Variants in GATA6 observed in about 807,000 individuals in gnomAD.
The protein encoded by GATA6 is transcription factor GATA-6.
Under a neutral mutation model 48.1 loss-of-function variants are expected in GATA6, and 11 were observed. The observed-to-expected ratio is 0.23, with a 90% CI of 0.14 to 0.38. GATA6 has a LOEUF of 0.38. Among genes scored for constraint, GATA6 ranks in the 10% least tolerant of loss-of-function variants. The pLI is 1.00. For synonymous variants in GATA6, 419 were observed against 396.1 expected (o/e 1.06, Z -0.69); for missense variants, 795 against 850.3 (o/e 0.93, Z 0.81).
chr18:22,189,929 G>A (rs114733510), intron 6 of GATA6, among the ~76,000 whole-genome samples: 2,393 of 152,232 alleles, frequency 0.016, 61 homozygotes, highest in African/African-American at 0.055. Flanking sequence ...CAGTTCCAAG[G>A]TCACGTGTCA....
chr18:22,174,076 G>T (rs2033091053), intron 2 of GATA6, among the ~76,000 whole-genome samples: 1 of 152,200 alleles, frequency 6.6e-6, no homozygotes, highest in African/African-American at 2.4e-5. Context: ...CCTTACCTCT[G>T]CATAGGGACC....
chr18:22,201,135 A>C lies in GATA6; in HGVS notation c.*312A>C. On this transcript the variant is annotated 3_prime_UTR_variant, in exon 7 of 7. Coordinates refer to ENST00000269216, the MANE Select transcript of GATA6 (RefSeq NM_005257.6). ...ATGGAATATTGAGAGAGATTTTTTAAAAAAGATTTTGCATTTTGTCCAAAA... is the reference window on the plus strand; with the variant it reads ...ATGGAATATTGAGAGAGATTTTTTACAAAAGATTTTGCATTTTGTCCAAAA... 1 of 381,616 alleles carries C rather than the reference A, an allele frequency of 2.6e-6. No individual in the cohort carries two copies. Among genetic ancestry groups the C allele is most frequent in the Non-Finnish European group, 4.8e-6 (1 of 209,114 alleles). 23.6% of individuals were successfully genotyped at this position (381,616 alleles called of 1,614,324 possible). A position where few individuals can be genotyped will look rare whatever the true frequency, so the allele number is the denominator to read the frequency against.
rs1293318805 is a variant in GATA6 at position 22,172,244 on chromosome 18, G to A, written c.1100G>A (p.Gly367Glu). 1 of 1,533,886 alleles carries A rather than the reference G, an allele frequency of 6.5e-7. No homozygotes were observed. Among genetic ancestry groups the A allele is most frequent in the Non-Finnish European group, 8.7e-7 (1 of 1,146,202 alleles). ...PVLHSLQSRA[G>E]APLPVPRGPS... ...CTGCACAGCCTGCAGAGCCGCGCCGGAGCCCCGCTCCCGGTGCCCCGGGGT... is the reference window on the plus strand; with the variant it reads ...CTGCACAGCCTGCAGAGCCGCGCCGAAGCCCCGCTCCCGGTGCCCCGGGGT... The change falls in exon 2 of 7, where the codon GGA becomes GAA. Residue 367 changes from glycine to glutamate, a missense_variant. Gly to Glu is a moderately conservative substitution (Grantham distance 98, BLOSUM62 -2). Around this residue, in one of 5 missense-constraint regions of GATA6, gnomAD observed 591 missense variants for 570.0 expected, o/e 1.04. Coordinates refer to ENST00000269216, the MANE Select transcript of GATA6 (RefSeq NM_005257.6). The surrounding 1 kb of genome is among the most constrained non-coding windows in gnomAD (Gnocchi z 5.2).
chr18:22,175,871 T>C (rs1413180377), intron 2 of GATA6, among the ~76,000 whole-genome samples: 1 of 152,222 alleles, frequency 6.6e-6, no homozygotes, highest in African/African-American at 2.4e-5. Context: ...TCTTCAATAA[T>C]GCAGAACTAG....
At position 22,170,179 on chromosome 18, in the gene GATA6, C is replaced by T. The variant is rs2033013231; in HGVS notation, c.-38+497C>T. 6.6e-6 allele frequency among the ~76,000 whole-genome samples: 1 copy of T among 152,188 alleles called. No individual in the cohort carries two copies. Among genetic ancestry groups the T allele is most frequent in the South Asian group, 2.1e-4 (1 of 4,832 alleles). On this transcript the variant is annotated intron_variant, in intron 1 of 6. Transcript: ENST00000269216. The surrounding 1 kb of genome is among the most constrained non-coding windows in gnomAD (Gnocchi z 6.7). ...CTCGGCTCTGGGGCGGTCTCACGCT[C>T]CCCCCTCCCCAGCCCGTTGCGTTCC...
intron 6 of GATA6, among the ~76,000 whole-genome samples, chr18:22,193,900 C>T (rs971748652): frequency 4.6e-5 from 7 of 152,152 alleles, no homozygotes; most frequent in African/African-American, 7.2e-5. Flanking sequence ...TTCCTTTTCT[C>T]GGCTGTGTTG....
chr18:22,191,564 G>A (rs2033328803), intron 6 of GATA6, among the ~76,000 whole-genome samples: 1 of 152,158 alleles, frequency 6.6e-6, no homozygotes, highest in African/African-American at 2.4e-5. Flanking sequence ...TGCCAGAAGA[G>A]TTACTAGCAG....
At chr18:22,198,945 G>C (rs1178927558) in intron 6 of GATA6, among the ~76,000 whole-genome samples, 4 of 152,160 alleles carry the variant, frequency 2.6e-5, no homozygotes, top group African/African-American at 9.7e-5. Flanking sequence ...AAAAGTTTGG[G>C]TGTGGGGCCA....
At chr18:22,176,934 C>T (rs1321754336) in intron 2 of GATA6, 21 bp from the exon 3 acceptor site, 3 of 1,536,074 alleles carry the variant, frequency 2.0e-6, no homozygotes, top group Non-Finnish European at 2.6e-6. Context: ...CTCCCGCCCT[C>T]ACGCACCGCT....
At chr18:22,169,742 C>T (rs1290069120) in intron 1 of GATA6, 60 bp downstream of exon 1, 3 of 152,286 alleles carry the variant, frequency 2.0e-5, no homozygotes, top group African/African-American at 7.2e-5. Flanking sequence ...CCCTACTCGT[C>T]GCGGGCCCCT....
intron 6 of GATA6, among the ~76,000 whole-genome samples, chr18:22,186,005 TTG>T (rs1244710198): frequency 6.6e-6 from 1 of 152,210 alleles, no homozygotes; most frequent in East Asian, 1.9e-4. Context: ...GCAGCTGGCT[TTG>T]TGACTGATTG....
intron 3 of GATA6, among the ~76,000 whole-genome samples, chr18:22,179,015 T>G (rs1001883921): frequency 1.1e-4 from 17 of 152,146 alleles, no homozygotes; most frequent in African/African-American, 3.9e-4. Flanking sequence ...CTAGTAACAT[T>G]TAGATAGTGC....
At chr18:22,193,565 G>T (rs2033352774) in intron 6 of GATA6, among the ~76,000 whole-genome samples, 2 of 152,200 alleles carry the variant, frequency 1.3e-5, no homozygotes, top group Non-Finnish European at 2.9e-5. Flanking sequence ...AGAAAAAGCC[G>T]TAAGCACAGT....
chr18:22,171,013 A>C lies in GATA6; in HGVS notation c.-37-95A>C, dbSNP rs2033027459. ...CTTTGAGAAGTCAGATCCCATTTGA[A>C]CTAGAAAAAGGAGTGGAGGCGAGGT... On this transcript the variant is annotated intron_variant, in intron 1 of 6. Coordinates refer to ENST00000269216, the MANE Select transcript of GATA6 (RefSeq NM_005257.6). This position sits in a 1 kb window ranked among gnomAD's most constrained non-coding sequence, Gnocchi z 7.1. The C allele has an allele frequency of 1.4e-6, 1 of 739,670 alleles. No individual in the cohort carries two copies. The highest frequency in any genetic ancestry group is 1.7e-5 in the African/African-American group (1 of 57,664). The allele number at this position is 739,670 out of a possible 1,614,324, so 45.8% of individuals were successfully genotyped here.
chr18:22,173,247 C>T (rs891388712), intron 2 of GATA6, among the ~76,000 whole-genome samples: 1 of 152,238 alleles, frequency 6.6e-6, no homozygotes, highest in African/African-American at 2.4e-5. Flanking sequence ...CAACATTCTG[C>T]GTCCTTGGTG....
chr18:22,190,128 A>T (rs1439196800), intron 6 of GATA6, among the ~76,000 whole-genome samples: 1 of 152,204 alleles, frequency 6.6e-6, no homozygotes, highest in Non-Finnish European at 1.5e-5. Flanking sequence ...ATATCCTCCC[A>T]CTGAAACAGG....
chr18:22,179,529 C>T (rs1018754217), intron 3 of GATA6, among the ~76,000 whole-genome samples: 1 of 152,156 alleles, frequency 6.6e-6, no homozygotes, highest in African/African-American at 2.4e-5. Context: ...ATTCTGATAA[C>T]AAGTTTGCTT....
At chr18:22,197,478 T>C (rs10454095) in intron 6 of GATA6, among the ~76,000 whole-genome samples, 91,497 of 152,046 alleles carry the variant, frequency 0.6, 28,096 homozygotes, top group Non-Finnish European at 0.67. Flanking sequence ...CCACATGGTC[T>C]GTTCACTCTT....
At chr18:22,195,185 G>A (rs183509025) in intron 6 of GATA6, among the ~76,000 whole-genome samples, 91 of 152,280 alleles carry the variant, frequency 6.0e-4, no homozygotes, top group African/African-American at 2.1e-3. Flanking sequence ...CTGAAGTTAC[G>A]CTGATGCATG....
Sources: gnomAD v4.1 joint callset for allele counts (sites outside exome capture counted in the v4.1 genomes callset) on GRCh38, gnomAD v4.1.1 for gene constraint, gnomAD v4.1.1 regional missense constraint, Gnocchi (gnomAD v3.1) non-coding constraint, MANE v1.5 for transcripts, NCBI Gene and HGNC (gene_info 2026-07-23, HGNC 2026-07-21) for gene names.